Variants in OGDH observed in about 807,000 individuals in gnomAD.
The protein encoded by OGDH is 2-oxoglutarate dehydrogenase complex component E1.
A neutral mutation model predicts 116.6 loss-of-function variants in OGDH; 38 were observed. The observed-to-expected ratio is 0.33, with a 90% CI of 0.25 to 0.43. The LOEUF is 0.43. Ranked by LOEUF, OGDH falls within the 20% of genes least tolerant of loss-of-function variation. The pLI, the probability that OGDH is intolerant of heterozygous loss-of-function variation, is 1.00. For missense variants in OGDH, 825 were observed against 1,357.2 expected, an observed-to-expected ratio of 0.61 and a Z score of 6.16; for synonymous variants, 488 against 533.3, an observed-to-expected ratio of 0.92 and a Z score of 1.17.
At chr7:44,636,327 C>A (rs1225037719) in intron 2 of OGDH, among the ~76,000 whole-genome samples, 1 of 152,258 alleles carries the variant, frequency 6.6e-6, no homozygotes. Flanking sequence ...AACCTCACAA[C>A]CAAGGACTGG....
intron 19 of OGDH, 111 bp from the exon 20 acceptor site, chr7:44,701,432 G>A (rs574885704): frequency 2.4e-6 from 2 of 822,676 alleles, no homozygotes; most frequent in East Asian, 2.6e-5. Flanking sequence ...GAGTGGGAGG[G>A]CAGGTGTGTT....
intron 4 of OGDH, among the ~76,000 whole-genome samples, chr7:44,650,728 G>A (rs1378466343): frequency 1.3e-5 from 2 of 152,176 alleles, no homozygotes; most frequent in Non-Finnish European, 2.9e-5. Context: ...TGAGGACTCT[G>A]TATGGGGGAT....
At chr7:44,655,253 A>ATG (rs1017131554) in intron 4 of OGDH, among the ~76,000 whole-genome samples, 1 of 152,088 alleles carries the variant, frequency 6.6e-6, no homozygotes, top group Non-Finnish European at 1.5e-5. Context: ...GGTTTTGAAG[A>ATG]TTGAAGGAGA....
intron 9 of OGDH, among the ~76,000 whole-genome samples, chr7:44,677,475 G>A (rs1316127898): frequency 6.6e-6 from 1 of 152,152 alleles, no homozygotes; most frequent in Non-Finnish European, 1.5e-5. Context: ...TTCTGGAGAT[G>A]AAAGGTAAGA....
intron 4 of OGDH, among the ~76,000 whole-genome samples, chr7:44,649,923 G>A (rs1007446231): frequency 6.6e-6 from 1 of 152,156 alleles, no homozygotes; most frequent in African/African-American, 2.4e-5. Context: ...CAACATCATG[G>A]TGAGGGTGAG....
chr7:44,676,477 C>T (rs1051646691), intron 9 of OGDH: 66 of 383,366 alleles, frequency 1.7e-4, no homozygotes, highest in Non-Finnish European at 2.9e-4. Context: ...ATCGCTTGAA[C>T]CCGGGAGGTG....
chr7:44,613,330 C>A (rs1437149022), intron 1 of OGDH, among the ~76,000 whole-genome samples: 10 of 151,966 alleles, frequency 6.6e-5, no homozygotes, highest in Admixed American at 5.9e-4. Flanking sequence ...CACCCGCCAC[C>A]ACACCTGGCT....
Position 44,624,310 on chromosome 7 carries a change from T to TTTTTTTCAA in OGDH, c.-27-7_-27-6insTTTTTTCAA. ...TTTCTTGTTTTTTTTTTTTTTTTTTTGTACAGGCAGTTGTGAAAAACTTCA... is the reference window on the plus strand; with the variant it reads ...TTTCTTGTTTTTTTTTTTTTTTTTTTTTTTTTCAAGTACAGGCAGTTGTGAAAAACTTCA... On this transcript the variant is annotated splice_region_variant and splice_polypyrimidine_tract_variant and intron_variant, in intron 1 of 22. Coordinates refer to ENST00000222673, the MANE Select transcript of OGDH (RefSeq NM_002541.4). 1 of 1,102,340 alleles carries TTTTTTTCAA rather than the reference T, an allele frequency of 9.1e-7. No homozygotes were observed. Among genetic ancestry groups the TTTTTTTCAA allele is most frequent in the African/African-American group, 2.2e-5 (1 of 44,680 alleles). 68.3% of individuals were successfully genotyped at this position (1,102,340 alleles called of 1,614,324 possible). A position where few individuals can be genotyped will look rare whatever the true frequency, so the allele number is the denominator to read the frequency against.
chr7:44,649,697 G>A (rs1786349110), intron 4 of OGDH, among the ~76,000 whole-genome samples: 2 of 152,104 alleles, frequency 1.3e-5, no homozygotes, highest in Admixed American at 1.3e-4. Context: ...ATCAAGAGGG[G>A]CCACACCTAG....
intron 5 of OGDH, among the ~76,000 whole-genome samples, chr7:44,669,301 A>G (rs1203983128): frequency 1.3e-5 from 2 of 151,788 alleles, no homozygotes; most frequent in African/African-American, 4.8e-5. Flanking sequence ...ATAGGAGCAC[A>G]CCACCATGCC....
intron 1 of OGDH, among the ~76,000 whole-genome samples, chr7:44,623,458 A>G (rs1036950806): frequency 1.2e-5 from 1 of 80,218 alleles, no homozygotes; most frequent in Non-Finnish European, 3.8e-5. Flanking sequence ...TTGTAAGTAC[A>G]GCAGGTACTC....
intron 1 of OGDH, among the ~76,000 whole-genome samples, chr7:44,621,820 G>A (rs535430537): frequency 5.8e-4 from 88 of 151,188 alleles, no homozygotes; most frequent in African/African-American, 2.1e-3. Context: ...GCACTGAGCC[G>A]AGATCACACC....
chr7:44,670,867 T>C (rs1046173463), intron 5 of OGDH, among the ~76,000 whole-genome samples: 5 of 151,572 alleles, frequency 3.3e-5, no homozygotes, highest in East Asian at 3.9e-4. Context: ...GAAAATTAGC[T>C]GGGCGTGGTG....
chr7:44,612,657 A>T (rs538573530), intron 1 of OGDH, among the ~76,000 whole-genome samples: 34 of 151,752 alleles, frequency 2.2e-4, no homozygotes, highest in Non-Finnish European at 4.1e-4. Context: ...TGCTAGGATT[A>T]CAGGCGTGAG....
intron 3 of OGDH, 71 bp from the exon 4 acceptor site, chr7:44,647,586 A>T (rs1045226393): frequency 3.0e-4 from 434 of 1,432,546 alleles, no homozygotes; most frequent in Middle Eastern, 8.7e-4. Flanking sequence ...CTTTTTTTTT[A>T]CCCCTTCCCT....
intron 2 of OGDH, among the ~76,000 whole-genome samples, chr7:44,633,977 G>T (rs1785556794): frequency 6.6e-6 from 1 of 152,192 alleles, no homozygotes; most frequent in Non-Finnish European, 1.5e-5. Context: ...AAAAAGTCTG[G>T]TTTCCATGAA....
rs1426851494 is a variant in OGDH, at chr7:44,645,529, T to C, written c.414+11T>C. On this transcript the variant is annotated intron_variant, in intron 3 of 22. Coordinates refer to ENST00000222673, the MANE Select transcript of OGDH (RefSeq NM_002541.4). ...ATCAGGGCATATCAGGTAAGGCGGG[T>C]GCTTTACCCGCACACGGGAAAGGGT... 1.2e-6 allele frequency: 2 copies of C among 1,611,830 alleles called. No individual in the cohort carries two copies. Among genetic ancestry groups the C allele is most frequent in the Non-Finnish European group, 1.7e-6 (2 of 1,178,478 alleles).
intron 20 of OGDH, among the ~76,000 whole-genome samples, chr7:44,702,420 G>A (rs566702456): frequency 1.3e-5 from 2 of 152,194 alleles, no homozygotes; most frequent in South Asian, 2.1e-4. Flanking sequence ...ATTTCTATAG[G>A]GACAGTGGAG....
chr7:44,665,958 GTGT>G (rs1361756076), intron 4 of OGDH, among the ~76,000 whole-genome samples: 3 of 152,184 alleles, frequency 2.0e-5, no homozygotes, highest in African/African-American at 7.2e-5. Flanking sequence ...TTCAGGTGAG[GTGT>G]TGTCTTCCCC....
Sources: allele counts gnomAD v4.1 joint callset (sites outside exome capture counted in the v4.1 genomes callset), GRCh38; gene constraint gnomAD v4.1.1; transcripts MANE v1.5; gene names NCBI Gene and HGNC (gene_info 2026-07-23, HGNC 2026-07-21).